ADAMTS18: variants seen among roughly 807,000 people sequenced by gnomAD.
The protein encoded by ADAMTS18 is A disintegrin and metalloproteinase with thrombospondin motifs 18.
Under a neutral mutation model 165.9 loss-of-function variants are expected in ADAMTS18, and 157 were observed. That is an observed-to-expected ratio of 0.95 (90% confidence interval 0.83 to 1.08). ADAMTS18 has a LOEUF of 1.08. Ranked by LOEUF, ADAMTS18 falls within the 50% of genes least tolerant of loss-of-function variation. The pLI is 0.00. For synonymous variants in ADAMTS18, 782 were observed against 578.2 expected (o/e 1.35, Z -5.06); for missense variants, 2,040 against 1,534.0 (o/e 1.33, Z -5.51).
At chr16:77,326,182 C>T in intron 12 of ADAMTS18, 144 bp from the exon 13 acceptor site, 1 of 803,044 alleles carries the variant, frequency 1.2e-6, no homozygotes, top group Admixed American at 2.1e-5. Context: ...AATGGAAGTA[C>T]ATAGCATACA....
chr16:77,348,421 G>A (rs1034117377), intron 10 of ADAMTS18, among the ~76,000 whole-genome samples: 4 of 152,196 alleles, frequency 2.6e-5, no homozygotes, highest in African/African-American at 9.7e-5. Flanking sequence ...TCCCATCCGA[G>A]GCAGGCAACC....
At chr16:77,300,170 T>A in intron 17 of ADAMTS18, 93 bp downstream of exon 17, 1 of 1,480,200 alleles carries the variant, frequency 6.8e-7, no homozygotes, top group Non-Finnish European at 9.4e-7. Context: ...CTTGGGTGGC[T>A]TATTTAAACC....
chr16:77,300,018 A>C (rs564018309), intron 17 of ADAMTS18: 12 of 414,202 alleles, frequency 2.9e-5, no homozygotes, highest in Non-Finnish European at 4.8e-5. Flanking sequence ...TGTTTTTCCC[A>C]TAAGTTTTAG....
chr16:77,290,034 T>C (rs771476884), intron 21 of ADAMTS18, among the ~76,000 whole-genome samples: 1 of 152,106 alleles, frequency 6.6e-6, no homozygotes, highest in Non-Finnish European at 1.5e-5. Flanking sequence ...CAGGGAAAAA[T>C]GTAGCCCTTT....
intron 3 of ADAMTS18, among the ~76,000 whole-genome samples, chr16:77,385,938 G>A (rs541270575): frequency 1.3e-5 from 2 of 152,338 alleles, no homozygotes; most frequent in Admixed American, 6.5e-5. Flanking sequence ...TTTTACAGAG[G>A]AAGGAAATGG....
chr16:77,291,629 A>T lies in ADAMTS18; in HGVS notation c.3190-151T>A, dbSNP rs570084898. The T allele has an allele frequency of 6.3e-5, 54 of 852,928 alleles. No homozygotes were observed. In the African/African-American group the frequency reaches 8.0e-4, roughly 13 times the overall value. The allele number at this position is 852,928 out of a possible 1,614,324, so 52.8% of individuals were successfully genotyped here. A position where few individuals can be genotyped will look rare whatever the true frequency, so the allele number is the denominator to read the frequency against. ...CCACACTCACTCGAGGATCTTACAG[A>T]TACAGCAGCCAAGTACCTCATGCTA... On this transcript the variant is annotated intron_variant, in intron 20 of 22. Transcript: ENST00000282849.
rs559883231 is a variant in ADAMTS18, at chr16:77,434,492, C to T, written c.104G>A (p.Cys35Tyr). The change falls in exon 2 of 23, where the codon TGC becomes TAC. Residue 35 changes from cysteine (C) to tyrosine (Y), a missense_variant. By Grantham distance (194) the Cys-to-Tyr change is radical (BLOSUM62 -2). Transcript: ENST00000282849. Reference protein sequence around the residue: ...LGRVAKALQLCCLCCASVAAA... With the variant: ...LGRVAKALQLYCLCCASVAAA... Reference sequence around the variant, plus strand: ...GGCGACCGACGCACAGCAGAGGCAGCACAGCTGGAGCGCCTGCAAGAGAAA... The same window carrying T: ...GGCGACCGACGCACAGCAGAGGCAGTACAGCTGGAGCGCCTGCAAGAGAAA... The T allele has an allele frequency of 1.3e-5, 20 of 1,564,786 alleles. No individual in the cohort carries two copies. The highest frequency in any genetic ancestry group is 7.0e-5 in the East Asian group (3 of 43,146).
At chr16:77,320,158 T>C (rs553517875) in intron 15 of ADAMTS18, 65 bp from the exon 16 acceptor site, 19 of 1,591,778 alleles carry the variant, frequency 1.2e-5, no homozygotes, top group Admixed American at 6.7e-5. Context: ...GGACTAGAAA[T>C]GGCCCGACAT....
chr16:77,327,560 C>A (rs2056116980), intron 12 of ADAMTS18, among the ~76,000 whole-genome samples: 1 of 152,084 alleles, frequency 6.6e-6, no homozygotes, highest in East Asian at 1.9e-4. Context: ...TACTACCCAG[C>A]CGTAAAAAAG....
intron 12 of ADAMTS18, among the ~76,000 whole-genome samples, chr16:77,329,880 T>C (rs1415376014): frequency 6.6e-6 from 1 of 152,226 alleles, no homozygotes; most frequent in Non-Finnish European, 1.5e-5. Context: ...GATTTTGTCC[T>C]TATATTAGAC....
chr16:77,317,998 T>A (rs566284097), intron 16 of ADAMTS18, among the ~76,000 whole-genome samples: 1 of 152,294 alleles, frequency 6.6e-6, no homozygotes, highest in South Asian at 2.1e-4. Context: ...AAACAAGCAC[T>A]ATGTCGCTTT....
chr16:77,298,765 C>T (rs28392786), intron 17 of ADAMTS18, among the ~76,000 whole-genome samples: 16 of 152,214 alleles, frequency 1.1e-4, no homozygotes, highest in Non-Finnish European at 2.2e-4. Flanking sequence ...GCATTCCAGC[C>T]TGGGTGACAG....
chr16:77,420,798 G>A (rs933572217), intron 3 of ADAMTS18, among the ~76,000 whole-genome samples: 3 of 152,020 alleles, frequency 2.0e-5, no homozygotes, highest in African/African-American at 7.2e-5. Context: ...TAAGGCAGGG[G>A]GAAGAAAAGA....
intron 3 of ADAMTS18, among the ~76,000 whole-genome samples, chr16:77,376,976 G>A (rs553312526): frequency 1.9e-4 from 29 of 151,826 alleles, no homozygotes; most frequent in Non-Finnish European, 2.6e-4. Context: ...CACCACTCTC[G>A]GCTAGGTTTT....
chr16:77,395,794 G>C (rs1004851656), intron 3 of ADAMTS18, among the ~76,000 whole-genome samples: 6 of 152,220 alleles, frequency 3.9e-5, no homozygotes, highest in African/African-American at 1.4e-4. Context: ...ATGGCAATAA[G>C]ACCCTCGAGA....
chr16:77,295,202 G>C, intron 18 of ADAMTS18, 75 bp from the exon 19 acceptor site: 1 of 1,483,776 alleles, frequency 6.7e-7, no homozygotes, highest in South Asian at 1.2e-5. Context: ...ACTGTGAAAG[G>C]TAAACCACCT....
rs1197347566 is a variant in ADAMTS18 at position 77,303,249 on chromosome 16, A to T, written c.2533-2845T>A. On this transcript the variant is annotated intron_variant, in intron 16 of 22. Coordinates refer to ENST00000282849, the MANE Select transcript of ADAMTS18 (RefSeq NM_199355.4). ...TGTGGTTGAAGTCAAAAGCCTTTTA[A>T]TTTAAATAACCATGTGTGACTAATG... Among the ~76,000 whole-genome samples the T allele has an allele frequency of 2.0e-5, 3 of 152,144 alleles. No individual in the cohort carries two copies. The East Asian group carries it at 5.8e-4, about 29-fold the overall frequency.
chr16:77,310,808 A>G (rs901145089), intron 16 of ADAMTS18, among the ~76,000 whole-genome samples: 1 of 151,900 alleles, frequency 6.6e-6, no homozygotes, highest in African/African-American at 2.4e-5. Flanking sequence ...TTGTATTCTC[A>G]TGGAGACGGG....
At chr16:77,377,369 T>C (rs1298227554) in intron 3 of ADAMTS18, among the ~76,000 whole-genome samples, 1 of 152,194 alleles carries the variant, frequency 6.6e-6, no homozygotes, top group Non-Finnish European at 1.5e-5. Context: ...TAGGAAGCTA[T>C]AAATAAGCTT....
Sources: allele counts gnomAD v4.1 joint callset (sites outside exome capture counted in the v4.1 genomes callset), GRCh38; gene constraint gnomAD v4.1.1; transcripts MANE v1.5; gene names NCBI Gene and HGNC (gene_info 2026-07-23, HGNC 2026-07-21).